TAFA2: variants seen among roughly 807,000 people sequenced by gnomAD.
The protein encoded by TAFA2 is TAFA chemokine like family member 2.
Under a neutral mutation model 18.8 loss-of-function variants are expected in TAFA2, and 7 were observed. The observed-to-expected ratio is 0.37, with a 90% CI of 0.21 to 0.70. The LOEUF (loss-of-function observed/expected upper bound fraction) is 0.70. Ranked by LOEUF, TAFA2 falls within the 30% of genes least tolerant of loss-of-function variation. The pLI is 0.53. For missense variants in TAFA2, 122 were observed against 158.1 expected (o/e 0.77, Z 1.23); for synonymous variants, 60 against 54.2 (o/e 1.11, Z -0.47).
chr12:61,733,620 C>A (rs1217272597), intron 4 of TAFA2, among the ~76,000 whole-genome samples: 1 of 147,416 alleles, frequency 6.8e-6, no homozygotes, highest in South Asian at 2.2e-4. Context: ...CTGTTCTGTT[C>A]CATTGATCTA....
chr12:61,917,315 T>G (rs1037268090), intron 1 of TAFA2, among the ~76,000 whole-genome samples: 2 of 152,178 alleles, frequency 1.3e-5, no homozygotes, highest in Admixed American at 1.3e-4. Context: ...ATAAAATAAT[T>G]TTTCATAATT....
At chr12:61,788,440 A>G (rs999809258) in intron 2 of TAFA2, among the ~76,000 whole-genome samples, 2 of 151,924 alleles carry the variant, frequency 1.3e-5, no homozygotes, top group African/African-American at 4.8e-5. Flanking sequence ...TCTCTTGAAT[A>G]TAACATATGT....
chr12:61,849,803 T>A (rs965277087), intron 2 of TAFA2, among the ~76,000 whole-genome samples: 3 of 152,178 alleles, frequency 2.0e-5, no homozygotes, highest in African/African-American at 7.2e-5. Flanking sequence ...AACATCTGGA[T>A]AAAGGAAATT....
chr12:62,057,667 T>C (rs914055011), intron 1 of TAFA2, among the ~76,000 whole-genome samples: 12 of 152,322 alleles, frequency 7.9e-5, no homozygotes, highest in Middle Eastern at 3.4e-3. Flanking sequence ...TATGCATACT[T>C]AAGAAGGTAA....
At chr12:61,728,747 T>C (rs771206178) in intron 4 of TAFA2, among the ~76,000 whole-genome samples, 4 of 152,074 alleles carry the variant, frequency 2.6e-5, no homozygotes, top group Non-Finnish European at 4.4e-5. Flanking sequence ...GCGAATATTA[T>C]TGAGATGTGA....
intron 1 of TAFA2, among the ~76,000 whole-genome samples, chr12:62,051,029 T>G (rs1193069340): frequency 6.6e-6 from 1 of 152,182 alleles, no homozygotes; most frequent in Admixed American, 6.5e-5. Flanking sequence ...CATTTCCCAC[T>G]CTGAAAGTTT....
intron 4 of TAFA2, among the ~76,000 whole-genome samples, chr12:61,734,650 C>CTCT (rs1166667375): frequency 3.9e-5 from 6 of 152,046 alleles, no homozygotes; most frequent in African/African-American, 1.4e-4. Context: ...TTCAGTTAGG[C>CTCT]TCTTCCTAGT....
intron 1 of TAFA2, among the ~76,000 whole-genome samples, chr12:61,922,714 A>AC (rs1407251644): frequency 1.3e-5 from 2 of 151,960 alleles, no homozygotes; most frequent in African/African-American, 4.8e-5. Context: ...TTCTTTTCTT[A>AC]CCCCAGTGGC....
intron 4 of TAFA2, among the ~76,000 whole-genome samples, chr12:61,740,792 T>A (rs1216587129): frequency 6.6e-6 from 1 of 151,142 alleles, no homozygotes; most frequent in African/African-American, 2.4e-5. Context: ...AACAAAATAA[T>A]CCTTTATTGA....
At chr12:62,036,561 G>A (rs1485030177) in intron 1 of TAFA2, among the ~76,000 whole-genome samples, 3 of 152,172 alleles carry the variant, frequency 2.0e-5, no homozygotes, top group African/African-American at 7.2e-5. Context: ...TCACCATTCA[G>A]CCTGGTAGTA....
intron 1 of TAFA2, among the ~76,000 whole-genome samples, chr12:62,236,763 G>A (rs1010868018): frequency 6.6e-5 from 10 of 152,150 alleles, no homozygotes; most frequent in Non-Finnish European, 2.9e-5. Flanking sequence ...TCCCTTGACC[G>A]AATGTCATCC....
intron 1 of TAFA2, among the ~76,000 whole-genome samples, chr12:62,004,259 CTT>C (rs1490409771): frequency 1.3e-5 from 2 of 152,158 alleles, no homozygotes; most frequent in Non-Finnish European, 2.9e-5. Context: ...CTTCAAGCCT[CTT>C]TTAAAGTTTT....
chr12:61,976,983 T>C (rs1378687550), intron 1 of TAFA2, among the ~76,000 whole-genome samples: 9 of 152,252 alleles, frequency 5.9e-5, no homozygotes, highest in Admixed American at 5.9e-4. Flanking sequence ...GTAATAAACA[T>C]ACATGTGCAT....
At chr12:61,784,487 G>A (rs1048499884) in intron 2 of TAFA2, among the ~76,000 whole-genome samples, 9 of 151,508 alleles carry the variant, frequency 5.9e-5, no homozygotes, top group African/African-American at 1.4e-4. Context: ...GGGTTTCTTC[G>A]TTCTCTTTTA....
At chr12:62,145,594 G>C (rs1445282440) in intron 1 of TAFA2, 1 of 152,264 alleles carries the variant, frequency 6.6e-6, no homozygotes, top group East Asian at 1.9e-4. Flanking sequence ...GGAATGAAAA[G>C]CAGTAGCCTC....
chr12:61,752,371 A>C (rs891748591), intron 4 of TAFA2, among the ~76,000 whole-genome samples: 2 of 152,046 alleles, frequency 1.3e-5, no homozygotes, highest in African/African-American at 2.4e-5. Context: ...GAATTTCCTT[A>C]AGTCCTGTTT....
chr12:61,821,584 T>C (rs1872325436), intron 2 of TAFA2, among the ~76,000 whole-genome samples: 1 of 152,064 alleles, frequency 6.6e-6, no homozygotes, highest in Non-Finnish European at 1.5e-5. Flanking sequence ...AGAGCTGTCC[T>C]AGGAAACTGT....
intron 1 of TAFA2, among the ~76,000 whole-genome samples, chr12:61,958,456 T>C (rs1878773554): frequency 6.6e-6 from 1 of 152,068 alleles, no homozygotes; most frequent in African/African-American, 2.4e-5. Flanking sequence ...GATAAGTACC[T>C]TTTTCCCTGT....
intron 1 of TAFA2, among the ~76,000 whole-genome samples, chr12:62,245,735 T>C (rs1057146627): frequency 7.1e-6 from 1 of 140,574 alleles, no homozygotes; most frequent in African/African-American, 2.7e-5. Flanking sequence ...TACATATAGA[T>C]ACATATATAC....
Sources: gnomAD v4.1 joint callset for allele counts (sites outside exome capture counted in the v4.1 genomes callset) on GRCh38, gnomAD v4.1.1 for gene constraint, MANE v1.5 for transcripts, NCBI Gene and HGNC (gene_info 2026-07-23, HGNC 2026-07-21) for gene names.